The following ST3GAL2 variants were observed in gnomAD, a reference collection of about 807,000 sequenced individuals.
The protein encoded by ST3GAL2 is ST3 beta-galactoside alpha-2,3-sialyltransferase 2.
ST3GAL2 carries 16 observed loss-of-function variants against 37.5 expected under a neutral mutation model. The observed-to-expected ratio is 0.43, with a 90% CI of 0.29 to 0.65. The LOEUF (loss-of-function observed/expected upper bound fraction) is 0.65. Among genes scored for constraint, ST3GAL2 ranks in the 30% least tolerant of loss-of-function variants. ST3GAL2 has a pLI of 0.17. For synonymous variants in ST3GAL2, 238 were observed against 202.9 expected, an observed-to-expected ratio of 1.17 and a Z score of -1.47; for missense variants, 383 against 487.8, an observed-to-expected ratio of 0.79 and a Z score of 2.02.
intron 1 of ST3GAL2, among the ~76,000 whole-genome samples, chr16:70,414,648 G>A: frequency 6.6e-6 from 1 of 152,024 alleles, no homozygotes; most frequent in East Asian, 1.9e-4. Context: ...AGCCAAGCAG[G>A]TTACTTTTCA....
chr16:70,396,216 C>T (rs1474473188), intron 2 of ST3GAL2, among the ~76,000 whole-genome samples: 4 of 150,270 alleles, frequency 2.7e-5, no homozygotes, highest in South Asian at 2.1e-4. Flanking sequence ...GGTGATCTAC[C>T]GCCTTGGCCT....
chr16:70,381,896 C>CGG (rs2047408528), intron 6 of ST3GAL2, 34 bp from the exon 7 acceptor site: 1 of 1,609,758 alleles, frequency 6.2e-7, no homozygotes, highest in Non-Finnish European at 8.5e-7. Context: ...TCACCCCAGG[C>CGG]GGGGACCTGG....
intron 4 of ST3GAL2, among the ~76,000 whole-genome samples, chr16:70,388,009 G>C (rs1250588610): frequency 6.6e-6 from 1 of 151,930 alleles, no homozygotes; most frequent in Non-Finnish European, 1.5e-5. Flanking sequence ...CTACTCAGGA[G>C]GCTGAGGCAA....
chr16:70,435,857 G>A (rs527411153), intron 1 of ST3GAL2, among the ~76,000 whole-genome samples: 5 of 151,872 alleles, frequency 3.3e-5, no homozygotes, highest in Non-Finnish European at 7.4e-5. Context: ...GCTGGGCGGA[G>A]TAGCTCACGC....
At chr16:70,411,448 C>A (rs935168246) in intron 1 of ST3GAL2, among the ~76,000 whole-genome samples, 1 of 151,866 alleles carries the variant, frequency 6.6e-6, no homozygotes, top group Non-Finnish European at 1.5e-5. Flanking sequence ...GATCTCTGTG[C>A]CTTCCTGCCT....
chr16:70,388,113 CAAA>C (rs376190238), intron 4 of ST3GAL2, among the ~76,000 whole-genome samples: 2 of 105,646 alleles, frequency 1.9e-5, no homozygotes, highest in Admixed American at 1.0e-4. Flanking sequence ...ATTCTGTCTC[CAAA>C]AAAAAAAAAA....
In ST3GAL2 at chr16:70,381,633, G is replaced by T. The variant is rs868699057; in HGVS notation, c.*56C>A. The T allele has an allele frequency of 6.3e-7, 1 of 1,586,002 alleles. No individual in the cohort carries two copies. ...TCGCGGGTTGCTGGTCCTGGGTCCC[G>T]GGCCGGAGCCCCGGTGCCCGATAGA... On this transcript the variant is annotated 3_prime_UTR_variant, in exon 7 of 7. Coordinates refer to ENST00000342907, the MANE Select transcript of ST3GAL2 (RefSeq NM_006927.4).
chr16:70,425,200 G>A (rs2047741690), intron 1 of ST3GAL2, among the ~76,000 whole-genome samples: 2 of 152,152 alleles, frequency 1.3e-5, no homozygotes, highest in South Asian at 2.1e-4. Context: ...AGCAGCTCAC[G>A]TCTGTAATTC....
chr16:70,432,627 G>A (rs976883507), intron 1 of ST3GAL2, among the ~76,000 whole-genome samples: 1 of 152,206 alleles, frequency 6.6e-6, no homozygotes, highest in African/African-American at 2.4e-5. Context: ...GGAGGAAAAA[G>A]CCTGATTTCC....
chr16:70,385,403 T>C (rs2047435354), intron 4 of ST3GAL2, among the ~76,000 whole-genome samples: 1 of 152,120 alleles, frequency 6.6e-6, no homozygotes. Context: ...AGTTAGTGTT[T>C]AAGGTGTACA....
chr16:70,381,798 C>A lies in ST3GAL2; in HGVS notation c.944G>T (p.Arg315Leu). The A allele has an allele frequency of 6.2e-7, 1 of 1,614,076 alleles. No individual in the cohort carries two copies. ...GNWHHYWENN[R>L]YAGEFRKTGV... The stretch of plus-strand genomic sequence containing the variant: ...AGTCTTCCGGAACTCGCCCGCGTAC[C>A]GGTTGTTCTCCCAGTAGTGGTGCCA... Residue 315 changes from arginine to leucine, a missense_variant, in exon 7 of 7, where the codon CGG becomes CTG. Arg to Leu is a moderately radical substitution (Grantham distance 102, BLOSUM62 -2). Transcript: ENST00000342907.
At position 70,378,738 on chromosome 16, in the gene ST3GAL2, G is replaced by GT. The variant is rs2047371567; in HGVS notation, c.*2950dup. The GT allele has an allele frequency of 6.6e-6, 1 of 151,832 alleles. No individual in the cohort carries two copies. Among genetic ancestry groups the GT allele is most frequent in the Admixed American group, 6.6e-5 (1 of 15,206 alleles). The allele number at this position is 151,832 out of a possible 1,614,324, so 9.4% of individuals were successfully genotyped here. ...CGGCCAGGCACACTGGCTCACGCCT[G>GT]TAATCCCAGCACTTTGGGAGGCCGA... On this transcript the variant is annotated 3_prime_UTR_variant, in exon 7 of 7. Coordinates refer to ENST00000342907, the MANE Select transcript of ST3GAL2 (RefSeq NM_006927.4).
At chr16:70,407,945 G>A (rs916890494) in intron 1 of ST3GAL2, among the ~76,000 whole-genome samples, 1 of 152,082 alleles carries the variant, frequency 6.6e-6, no homozygotes, top group Non-Finnish European at 1.5e-5. Flanking sequence ...CACGGAGCCT[G>A]GGGGGATGGG....
rs1327360133 is a variant in ST3GAL2, at chr16:70,380,341, A to G, written c.*1348T>C. The stretch of plus-strand genomic sequence containing the variant: ...GCCAGGAAGCTGCCTGGTGGTGTCA[A>G]CTAAGAAAAGGGGGAGCATCTGCGC... On this transcript the variant is annotated 3_prime_UTR_variant, in exon 7 of 7. Transcript: ENST00000342907. 2.6e-5 allele frequency: 4 copies of G among 152,338 alleles called. No homozygotes were observed. The highest frequency in any genetic ancestry group is 1.9e-4 in the East Asian group (1 of 5,194). 9.4% of individuals were successfully genotyped at this position (152,338 alleles called of 1,614,324 possible). A position where few individuals can be genotyped will look rare whatever the true frequency, so the allele number is the denominator to read the frequency against.
In ST3GAL2 at chr16:70,398,589, C is replaced by A. The variant is rs1004131637; in HGVS notation, c.-59G>T. The A allele has an allele frequency of 4.7e-5, 69 of 1,477,076 alleles. No homozygotes were observed. The highest frequency in any genetic ancestry group is 5.8e-5 in the Non-Finnish European group (64 of 1,102,198). 91.5% of individuals were successfully genotyped at this position (1,477,076 alleles called of 1,614,324 possible). ...ACTCTTTTCCCAGCCCGCTGAGGGG[C>A]CAGCCACGGCGTAGCCTGCCTATTC... On this transcript the variant is annotated 5_prime_UTR_variant, in exon 2 of 7. Coordinates refer to ENST00000342907, the MANE Select transcript of ST3GAL2 (RefSeq NM_006927.4).
At chr16:70,392,366 G>A (rs1040206468) in intron 3 of ST3GAL2, among the ~76,000 whole-genome samples, 1 of 152,160 alleles carries the variant, frequency 6.6e-6, no homozygotes, top group Non-Finnish European at 1.5e-5. Flanking sequence ...TCTGGCACTC[G>A]GGAACACAGC....
At chr16:70,432,224 T>C (rs1190268414) in intron 1 of ST3GAL2, among the ~76,000 whole-genome samples, 1 of 152,162 alleles carries the variant, frequency 6.6e-6, no homozygotes, top group Non-Finnish European at 1.5e-5. Context: ...CACCTTATTG[T>C]ACATGGTAGT....
intron 1 of ST3GAL2, among the ~76,000 whole-genome samples, chr16:70,436,125 C>CA (rs796840062): frequency 0.09 from 11,600 of 129,242 alleles, 1,511 homozygotes; most frequent in African/African-American, 0.3. Flanking sequence ...GACTCTATCT[C>CA]AAAAAAAAAA....
intron 2 of ST3GAL2, among the ~76,000 whole-genome samples, chr16:70,396,606 C>A (rs550282762): frequency 1.3e-5 from 2 of 152,322 alleles, no homozygotes; most frequent in Admixed American, 1.3e-4. Context: ...AAAGCTGTCA[C>A]AGTAAGAGCC....
Sources: gnomAD v4.1 joint callset for allele counts (sites outside exome capture counted in the v4.1 genomes callset) on GRCh38, gnomAD v4.1.1 for gene constraint, MANE v1.5 for transcripts, NCBI Gene and HGNC (gene_info 2026-07-23, HGNC 2026-07-21) for gene names.